The following TAFA1 variants were observed in gnomAD, a reference collection of about 807,000 sequenced individuals.
TAFA1 encodes TAFA chemokine like family member 1.
TAFA1 carries 4 observed loss-of-function variants against 18.5 expected under a neutral mutation model. The observed-to-expected ratio is 0.22, with a 90% confidence interval of 0.11 to 0.49. The LOEUF is 0.49. Among genes scored for constraint, TAFA1 ranks in the 20% least tolerant of loss-of-function variants. The pLI is 0.98. For synonymous variants in TAFA1, 56 were observed against 55.2 expected (o/e 1.01, Z -0.06); for missense variants, 147 against 169.0 (o/e 0.87, Z 0.72).
chr3:68,392,074 A>C (rs1437302718), intron 2 of TAFA1, among the ~76,000 whole-genome samples: 1 of 151,950 alleles, frequency 6.6e-6, no homozygotes, highest in African/African-American at 2.4e-5. Flanking sequence ...CAAATTGGAT[A>C]AAGAGTCAAC....
intron 2 of TAFA1, among the ~76,000 whole-genome samples, chr3:68,035,120 T>A (rs535103962): frequency 1.3e-5 from 2 of 152,296 alleles, no homozygotes; most frequent in African/African-American, 4.8e-5. Context: ...ATTTCCCAGA[T>A]CTTGTCATCT....
At chr3:68,341,490 G>T (rs755402746) in intron 2 of TAFA1, among the ~76,000 whole-genome samples, 30 of 152,170 alleles carry the variant, frequency 2.0e-4, no homozygotes, top group Non-Finnish European at 3.5e-4. Flanking sequence ...CTTGCAGCTA[G>T]AGGCTGCATG....
At chr3:68,384,571 T>A (rs1168701589) in intron 2 of TAFA1, among the ~76,000 whole-genome samples, 1 of 152,110 alleles carries the variant, frequency 6.6e-6, no homozygotes, top group Non-Finnish European at 1.5e-5. Context: ...TGCTGAAAAG[T>A]GTTTTACTTA....
chr3:68,086,824 A>T (rs1269507008), intron 2 of TAFA1, among the ~76,000 whole-genome samples: 1 of 152,340 alleles, frequency 6.6e-6, no homozygotes, highest in East Asian at 1.9e-4. Flanking sequence ...CTAACAGATA[A>T]CAAAAGACTT....
At chr3:68,354,658 A>T (rs551845419) in intron 2 of TAFA1, among the ~76,000 whole-genome samples, 1 of 152,150 alleles carries the variant, frequency 6.6e-6, no homozygotes, top group Admixed American at 6.6e-5. Context: ...TAATTAATAA[A>T]GAACAAATTT....
At chr3:68,349,744 T>C (rs1202012739) in intron 2 of TAFA1, among the ~76,000 whole-genome samples, 1 of 152,094 alleles carries the variant, frequency 6.6e-6, no homozygotes, top group East Asian at 1.9e-4. Flanking sequence ...AATAAAACTT[T>C]ATTTGTAAAA....
intron 2 of TAFA1, among the ~76,000 whole-genome samples, chr3:68,138,080 C>A (rs1331148158): frequency 6.6e-6 from 1 of 151,894 alleles, no homozygotes; most frequent in Non-Finnish European, 1.5e-5. Flanking sequence ...TTGTATATAC[C>A]TAAGGTGAGA....
chr3:68,404,504 A>G (rs545003765), intron 2 of TAFA1, among the ~76,000 whole-genome samples: 2 of 152,170 alleles, frequency 1.3e-5, no homozygotes, highest in South Asian at 4.2e-4. Context: ...TATAGGACCA[A>G]AAAAAAGAGA....
chr3:68,487,380 T>A (rs560518158), intron 3 of TAFA1, among the ~76,000 whole-genome samples: 1 of 152,334 alleles, frequency 6.6e-6, no homozygotes, highest in Non-Finnish European at 1.5e-5. Flanking sequence ...AAGTTAATTA[T>A]GTTTTATGAT....
chr3:68,370,766 C>T (rs1423889513), intron 2 of TAFA1, among the ~76,000 whole-genome samples: 7 of 133,330 alleles, frequency 5.3e-5, no homozygotes, highest in East Asian at 2.7e-4. Flanking sequence ...TAAACCTCCT[C>T]GGGTGTTTTC....
intron 2 of TAFA1, among the ~76,000 whole-genome samples, chr3:68,344,881 C>G (rs192328885): frequency 2.6e-4 from 40 of 152,244 alleles, no homozygotes; most frequent in African/African-American, 5.1e-4. Flanking sequence ...GAGTGAAGCT[C>G]TCTACCAGCC....
At chr3:68,455,933 G>C (rs185800195) in intron 3 of TAFA1, among the ~76,000 whole-genome samples, 1 of 152,190 alleles carries the variant, frequency 6.6e-6, no homozygotes, top group Admixed American at 6.5e-5. Context: ...GCCTTTTAAA[G>C]GTCCTTATGA....
intron 2 of TAFA1, among the ~76,000 whole-genome samples, chr3:68,118,072 G>A (rs180717634): frequency 5.3e-5 from 8 of 152,162 alleles, no homozygotes; most frequent in Middle Eastern, 3.4e-3. Context: ...TGATTCAAGC[G>A]CATTACATTT....
At chr3:68,366,996 C>T (rs1426538494) in intron 2 of TAFA1, among the ~76,000 whole-genome samples, 1 of 152,134 alleles carries the variant, frequency 6.6e-6, no homozygotes, top group African/African-American at 2.4e-5. Flanking sequence ...TCCTTACCCC[C>T]CAGTTCTAAG....
chr3:68,006,443 A>G (rs930967776), intron 1 of TAFA1, 181 bp from the exon 2 acceptor site: 21 of 554,522 alleles, frequency 3.8e-5, no homozygotes, highest in African/African-American at 9.4e-5. Context: ...ATGTATGATC[A>G]TCTGAAAAGG....
intron 2 of TAFA1, among the ~76,000 whole-genome samples, chr3:68,279,522 C>T (rs2067859620): frequency 6.6e-6 from 1 of 152,038 alleles, no homozygotes; most frequent in Non-Finnish European, 1.5e-5. Context: ...CTTCTCTAGA[C>T]CTGATAATCT....
intron 3 of TAFA1, among the ~76,000 whole-genome samples, chr3:68,495,426 T>C (rs1296106938): frequency 6.6e-6 from 1 of 152,228 alleles, no homozygotes. Context: ...GTTGTCATTT[T>C]ACTTAAAAAC....
chr3:68,331,931 TCAGC>T (rs2068883284), intron 2 of TAFA1, among the ~76,000 whole-genome samples: 1 of 136,306 alleles, frequency 7.3e-6, no homozygotes, highest in Non-Finnish European at 1.5e-5. Flanking sequence ...TGGCGCGATC[TCAGC>T]TCACTGCAAG....
intron 2 of TAFA1, among the ~76,000 whole-genome samples, chr3:68,088,896 C>T (rs1043935952): frequency 6.6e-6 from 1 of 152,046 alleles, no homozygotes; most frequent in Non-Finnish European, 1.5e-5. Flanking sequence ...CATTCTGGCT[C>T]TATGTAATGG....
Sources: gnomAD v4.1 joint callset for allele counts (sites outside exome capture counted in the v4.1 genomes callset) on GRCh38, gnomAD v4.1.1 for gene constraint, MANE v1.5 for transcripts, NCBI Gene and HGNC (gene_info 2026-07-23, HGNC 2026-07-21) for gene names.